The following CHN2 variants were observed in gnomAD, a reference collection of about 807,000 sequenced individuals.
CHN2 encodes beta-chimaerin.
CHN2 carries 35 observed loss-of-function variants against 56.3 expected under a neutral mutation model. That is an observed-to-expected ratio of 0.62 (90% CI 0.47 to 0.82). The LOEUF (loss-of-function observed/expected upper bound fraction) is 0.82, where lower values mean the gene tolerates loss of function less well. Ranked by LOEUF, CHN2 falls within the 40% of genes least tolerant of loss-of-function variation. CHN2 has a pLI of 0.00. For synonymous variants in CHN2, 210 were observed against 212.8 expected (o/e 0.99, Z 0.12); for missense variants, 491 against 580.5 (o/e 0.85, Z 1.58).
At chr7:29,304,979 G>A (rs910974682) in intron 1 of CHN2, among the ~76,000 whole-genome samples, 4 of 152,276 alleles carry the variant, frequency 2.6e-5, no homozygotes, top group South Asian at 2.1e-4. Flanking sequence ...TCTGTTTCCC[G>A]TGAACCAGAT....
At chr7:29,261,832 A>G (rs986259899) in intron 1 of CHN2, among the ~76,000 whole-genome samples, 1 of 152,250 alleles carries the variant, frequency 6.6e-6, no homozygotes, top group East Asian at 1.9e-4. Flanking sequence ...AGATATCGTT[A>G]TACACAAACC....
chr7:29,504,692 T>TTG, intron 9 of CHN2, 52 bp from the exon 10 acceptor site: 2 of 1,212,530 alleles, frequency 1.6e-6, no homozygotes, highest in Non-Finnish European at 2.4e-6. Flanking sequence ...CTTTTTTTTT[T>TTG]TTTTAGATGT....
At chr7:29,252,480 A>T (rs968332094) in intron 1 of CHN2, among the ~76,000 whole-genome samples, 7 of 146,218 alleles carry the variant, frequency 4.8e-5, no homozygotes, top group African/African-American at 1.7e-4. Flanking sequence ...AAGCCACTGC[A>T]CCCGGCCGAT....
intron 3 of CHN2, among the ~76,000 whole-genome samples, chr7:29,388,550 G>A (rs993902666): frequency 6.6e-6 from 1 of 152,100 alleles, no homozygotes; most frequent in African/African-American, 2.4e-5. Flanking sequence ...TCATTTTAAA[G>A]ATAAGAAAAC....
intron 1 of CHN2, among the ~76,000 whole-genome samples, chr7:29,246,326 G>A (rs766207785): frequency 2.0e-5 from 3 of 152,142 alleles, no homozygotes; most frequent in Non-Finnish European, 4.4e-5. Flanking sequence ...GGGTAGGTGG[G>A]CACTGATGTG....
At chr7:29,402,645 T>G (rs1802309516) in intron 6 of CHN2, among the ~76,000 whole-genome samples, 1 of 152,196 alleles carries the variant, frequency 6.6e-6, no homozygotes, top group African/African-American at 2.4e-5. Flanking sequence ...AGGCAATCTG[T>G]TACAAACTGC....
chr7:29,481,658 G>GTT (rs5883215), intron 7 of CHN2, among the ~76,000 whole-genome samples: 56,327 of 130,590 alleles, frequency 0.43, 12,570 homozygotes, highest in East Asian at 0.53. Flanking sequence ...AATGCCTCCC[G>GTT]TTTTTTTTTT....
At chr7:29,159,395 A>C (rs1480581260) in intron 2 of CHN2, among the ~76,000 whole-genome samples, 1 of 152,212 alleles carries the variant, frequency 6.6e-6, no homozygotes, top group African/African-American at 2.4e-5. Flanking sequence ...GAATTATTCT[A>C]TACCAGAATA....
intron 1 of CHN2, among the ~76,000 whole-genome samples, chr7:29,350,216 C>T (rs1797777089): frequency 6.6e-6 from 1 of 152,112 alleles, no homozygotes; most frequent in Non-Finnish European, 1.5e-5. Flanking sequence ...CTTGAGGAAA[C>T]CACTTAATCA....
chr7:29,412,715 A>G (rs920482850), intron 6 of CHN2, among the ~76,000 whole-genome samples: 15 of 152,152 alleles, frequency 9.9e-5, no homozygotes, highest in Non-Finnish European at 1.8e-4. Flanking sequence ...ATGGGATGAA[A>G]CATGGCCCCT....
intron 1 of CHN2, among the ~76,000 whole-genome samples, chr7:29,320,138 T>C (rs1194288327): frequency 6.6e-6 from 1 of 152,074 alleles, no homozygotes; most frequent in African/African-American, 2.4e-5. Context: ...TTTAGAGAAG[T>C]GAAAGCATTT....
chr7:29,446,573 G>C lies in CHN2; in HGVS notation c.577-33706G>C, dbSNP rs1376433074. Among the ~76,000 whole-genome samples the C allele has an allele frequency of 2.0e-5, 3 of 152,114 alleles. No individual in the cohort carries two copies. The East Asian group carries it at 5.8e-4, about 29-fold the overall frequency. ...AGGGAGAACTCAGGCAGGGCCCAGG[G>C]GACTTTCTGAGTTGCTGTGGGTCCA... On this transcript the variant is annotated intron_variant, in intron 6 of 12. Transcript: ENST00000222792.
intron 1 of CHN2, among the ~76,000 whole-genome samples, chr7:29,225,227 A>C (rs1215853536): frequency 6.6e-6 from 1 of 152,232 alleles, no homozygotes; most frequent in Non-Finnish European, 1.5e-5. Context: ...AAATTAATCC[A>C]TAATTTGTCT....
rs1787056686 is a variant in CHN2, at chr7:29,480,373, A to C, written c.654+17A>C. 6.2e-7 allele frequency: 1 copy of C among 1,611,462 alleles called. No homozygotes were observed. Among genetic ancestry groups the C allele is most frequent in the Non-Finnish European group, 8.5e-7 (1 of 1,177,486 alleles). ...AACTTTAAGGTAAGCAAGCCTCTGC[A>C]TTCCTTCTTCTGTTACAAAAGGGCA... is the stretch of plus-strand genomic sequence containing the variant. On this transcript the variant is annotated intron_variant, in intron 7 of 12. Transcript: ENST00000222792.
chr7:29,150,714 T>G (rs1334326181), intron 2 of CHN2, among the ~76,000 whole-genome samples: 1 of 152,138 alleles, frequency 6.6e-6, no homozygotes, highest in East Asian at 1.9e-4. Context: ...CTCTTGGAAG[T>G]GTCTAGGTCT....
intron 6 of CHN2, among the ~76,000 whole-genome samples, chr7:29,434,728 T>A (rs1270720884): frequency 6.6e-6 from 1 of 152,220 alleles, no homozygotes; most frequent in Non-Finnish European, 1.5e-5. Context: ...ATATATCTTT[T>A]GGAGAAGGTC....
In CHN2 at chr7:29,168,885, A is replaced by G. The variant is rs113599717; in HGVS notation, c.274+21925A>G. ...GTGTTTACCACTATCCATTTAATCTATAAGCTTCTAAGAGGTATGAACTAT... is the reference window on the plus strand; with the variant it reads ...GTGTTTACCACTATCCATTTAATCTGTAAGCTTCTAAGAGGTATGAACTAT... On this transcript the variant is annotated intron_variant, in intron 2 of 6. Coordinates refer to the CHN2 transcript ENST00000439384. Among the ~76,000 whole-genome samples the G allele has an allele frequency of 9.1e-3, 1,393 of 152,336 alleles. 25 individuals carry two copies. Among genetic ancestry groups the G allele is most frequent in the African/African-American group, 0.032 (1,315 of 41,580 alleles).
rs1554378185 is a variant in CHN2 at position 29,252,587 on chromosome 7, T to TTTTGTTTTGTTTTG, written c.49+57600_49+57601insGTTTTGTTTTGTTT. Among the ~76,000 whole-genome samples the TTTTGTTTTGTTTTG allele has an allele frequency of 7.0e-4, 16 of 22,804 alleles. 3 individuals are homozygous for TTTTGTTTTGTTTTG. The highest frequency in any genetic ancestry group is 2.8e-3 in the Admixed American group (5 of 1,756). 15.0% of individuals were successfully genotyped at this position (22,804 alleles called of 152,430 possible). A position where few individuals can be genotyped will look rare whatever the true frequency, so the allele number is the denominator to read the frequency against. On this transcript the variant is annotated intron_variant, in intron 1 of 12. Coordinates refer to ENST00000222792, the MANE Select transcript of CHN2 (RefSeq NM_004067.4). ...TAAAATTGCATTCTTTGTTTTTTTT[T>TTTTGTTTTGTTTTG]TTTTTTTTTTTTTTTTTTTGAGACG... is the stretch of plus-strand genomic sequence containing the variant.
At chr7:29,245,570 A>G (rs73684633) in intron 1 of CHN2, among the ~76,000 whole-genome samples, 2,480 of 152,310 alleles carry the variant, frequency 0.016, 69 homozygotes, top group African/African-American at 0.055. Flanking sequence ...TACGTGCATT[A>G]TGCATTCCTA....
Sources: allele counts gnomAD v4.1 joint callset (sites outside exome capture counted in the v4.1 genomes callset), GRCh38; gene constraint gnomAD v4.1.1; transcripts MANE v1.5; gene names NCBI Gene and HGNC (gene_info 2026-07-23, HGNC 2026-07-21).